LRP6: variants seen among roughly 807,000 people sequenced by gnomAD.
LRP6 encodes low-density lipoprotein receptor-related protein 6.
Under a neutral mutation model 184.1 loss-of-function variants are expected in LRP6, and 43 were observed. That is an observed-to-expected ratio of 0.23 (90% CI 0.18 to 0.30). The LOEUF is 0.30. LRP6 is among the 10% of genes least tolerant of loss of function. The pLI is 1.00. For synonymous variants in LRP6, 719 were observed against 684.9 expected (o/e 1.05, Z -0.78); for missense variants, 1,571 against 2,005.3 (o/e 0.78, Z 4.14).
At chr12:12,262,557 C>CAAAAA (rs57218812) in intron 1 of LRP6, among the ~76,000 whole-genome samples, 1 of 74,454 alleles carries the variant, frequency 1.3e-5, no homozygotes. Context: ...GACTCCGTCT[C>CAAAAA]AAAAAAAAAA....
chr12:12,258,709 C>T (rs1865534575), intron 1 of LRP6, among the ~76,000 whole-genome samples: 1 of 152,198 alleles, frequency 6.6e-6, no homozygotes, highest in Non-Finnish European at 1.5e-5. Context: ...ATGAAGTTCA[C>T]TCGTCACCTT....
At chr12:12,232,003 A>AC (rs1565686045) in intron 2 of LRP6, among the ~76,000 whole-genome samples, 39 of 150,720 alleles carry the variant, frequency 2.6e-4, no homozygotes, top group South Asian at 4.2e-4. Flanking sequence ...TGCCTCAAAA[A>AC]AAAAAACAAA....
At chr12:12,234,308 G>A (rs1024919568) in intron 2 of LRP6, among the ~76,000 whole-genome samples, 1 of 151,934 alleles carries the variant, frequency 6.6e-6, no homozygotes, top group Non-Finnish European at 1.5e-5. Flanking sequence ...AAATTAGCAA[G>A]GCATGATGGC....
At chr12:12,212,189 T>C (rs1010964101) in intron 2 of LRP6, among the ~76,000 whole-genome samples, 2 of 152,102 alleles carry the variant, frequency 1.3e-5, no homozygotes, top group Non-Finnish European at 2.9e-5. Flanking sequence ...GTATCCCCTA[T>C]CCTAAAACAA....
At chr12:12,252,595 T>C (rs1865350398) in intron 1 of LRP6, among the ~76,000 whole-genome samples, 1 of 152,204 alleles carries the variant, frequency 6.6e-6, no homozygotes, top group Non-Finnish European at 1.5e-5. Flanking sequence ...TGGTGCTGCT[T>C]TGCCTGGTAT....
intron 1 of LRP6, chr12:12,248,872 A>G (rs1299254512): frequency 1.3e-5 from 4 of 301,994 alleles, no homozygotes; most frequent in Non-Finnish European, 2.5e-5. Context: ...AATACTACCT[A>G]TTTTTTCTTG....
chr12:12,142,400 T>C (rs1187079636), intron 15 of LRP6, among the ~76,000 whole-genome samples: 1 of 152,170 alleles, frequency 6.6e-6, no homozygotes, highest in Non-Finnish European at 1.5e-5. Context: ...AGTAAGCTAC[T>C]GGAACCAACA....
At chr12:12,127,322 T>A (rs555608181) in intron 19 of LRP6, among the ~76,000 whole-genome samples, 5 of 152,248 alleles carry the variant, frequency 3.3e-5, no homozygotes, top group East Asian at 3.9e-4. Flanking sequence ...CGGGAAAAAA[T>A]TTATGACCAG....
At chr12:12,230,173 G>A (rs1864745541) in intron 2 of LRP6, among the ~76,000 whole-genome samples, 1 of 152,138 alleles carries the variant, frequency 6.6e-6, no homozygotes, top group Non-Finnish European at 1.5e-5. Context: ...CATATATTAA[G>A]TTTTCAAGAT....
intron 3 of LRP6, among the ~76,000 whole-genome samples, chr12:12,192,327 C>T (rs556953518): frequency 6.7e-6 from 1 of 150,266 alleles, no homozygotes; most frequent in Admixed American, 6.6e-5. Flanking sequence ...AATGACACAC[C>T]AGAAAATATC....
At chr12:12,129,931 C>G (rs577412813) in intron 19 of LRP6, among the ~76,000 whole-genome samples, 9 of 152,194 alleles carry the variant, frequency 5.9e-5, no homozygotes, top group Non-Finnish European at 1.2e-4. Context: ...TGACTACTCT[C>G]TCATTTCTAC....
chr12:12,262,574 G>C (rs919623697), intron 1 of LRP6, among the ~76,000 whole-genome samples: 2 of 141,926 alleles, frequency 1.4e-5, no homozygotes, highest in African/African-American at 5.1e-5. Flanking sequence ...AAAAAAAAAA[G>C]CAAGCTAAGA....
In LRP6 at chr12:12,117,796, A is replaced by T. The variant is rs1949538235; in HGVS notation, c.*3330T>A. On this transcript the variant is annotated 3_prime_UTR_variant, in exon 23 of 23. Coordinates refer to ENST00000261349, the MANE Select transcript of LRP6 (RefSeq NM_002336.3). Reference sequence around the variant, plus strand: ...CCTCCAAAACTGCTACCTAATACAGATGATGGCTATTTTTAATACCTTCAA... The same window carrying T: ...CCTCCAAAACTGCTACCTAATACAGTTGATGGCTATTTTTAATACCTTCAA... 6.6e-6 allele frequency: 1 copy of T among 152,222 alleles called. No individual in the cohort carries two copies. Among genetic ancestry groups the T allele is most frequent in the Non-Finnish European group, 1.5e-5 (1 of 68,030 alleles). 9.4% of individuals were successfully genotyped at this position (152,222 alleles called of 1,614,324 possible).
intron 12 of LRP6, among the ~76,000 whole-genome samples, chr12:12,157,024 TG>T (rs1862600304): frequency 6.6e-6 from 1 of 152,230 alleles, no homozygotes; most frequent in South Asian, 2.1e-4. Context: ...TGGCGAGAGC[TG>T]GGCAGAGTTC....
chr12:12,164,987 T>G, intron 8 of LRP6, 92 bp downstream of exon 8: 1 of 803,514 alleles, frequency 1.2e-6, no homozygotes, highest in East Asian at 4.1e-5. Context: ...GTTTCAAAAT[T>G]GCCTCAAAAC....
intron 7 of LRP6, among the ~76,000 whole-genome samples, chr12:12,173,049 G>A (rs993212772): frequency 1.3e-5 from 2 of 152,178 alleles, no homozygotes; most frequent in Non-Finnish European, 2.9e-5. Context: ...GAATATTAAA[G>A]ATTTGCAATT....
intron 2 of LRP6, among the ~76,000 whole-genome samples, chr12:12,238,461 A>G (rs1864978624): frequency 6.6e-6 from 1 of 152,154 alleles, no homozygotes; most frequent in Non-Finnish European, 1.5e-5. Context: ...AAATAAAAAT[A>G]TATCCACATC....
intron 2 of LRP6, among the ~76,000 whole-genome samples, chr12:12,239,308 G>C (rs550832162): frequency 6.6e-6 from 1 of 152,128 alleles, no homozygotes; most frequent in African/African-American, 2.4e-5. Flanking sequence ...AACTGGAAAC[G>C]GATATGATCT....
chr12:12,266,552 CA>C, intron 1 of LRP6, 128 bp downstream of exon 1: 4 of 839,950 alleles, frequency 4.8e-6, no homozygotes, highest in East Asian at 2.7e-5. Flanking sequence ...TCCCCCTCCC[CA>C]CGACCAGGCC....
Sources: gnomAD v4.1 joint callset for allele counts (sites outside exome capture counted in the v4.1 genomes callset) on GRCh38, gnomAD v4.1.1 for gene constraint, MANE v1.5 for transcripts, NCBI Gene and HGNC (gene_info 2026-07-23, HGNC 2026-07-21) for gene names.